The following RBFOX1 variants were observed in gnomAD, a reference collection of about 807,000 sequenced individuals.
RBFOX1 encodes RNA binding protein fox-1 homolog 1.
A neutral mutation model predicts 57.7 loss-of-function variants in RBFOX1; 8 were observed. That is an observed-to-expected ratio of 0.14 (90% CI 0.08 to 0.25). The LOEUF (loss-of-function observed/expected upper bound fraction) is 0.25. RBFOX1 is among the 10% of genes least tolerant of loss of function. The pLI, the probability that RBFOX1 is intolerant of heterozygous loss-of-function variation, is 1.00. For synonymous variants in RBFOX1, 326 were observed against 222.4 expected (o/e 1.47, Z -4.15); for missense variants, 611 against 548.5 (o/e 1.11, Z -1.14).
Position 5,241,158 on chromosome 16 carries a change from C to T in RBFOX1, c.219+1053C>T, listed in dbSNP as rs189422750. Among the ~76,000 whole-genome samples, 601 of 152,228 alleles carry T rather than the reference C, an allele frequency of 3.9e-3. 6 individuals carry two copies. The highest frequency in any genetic ancestry group is 0.014 in the African/African-American group (568 of 41,514). Reference sequence around the variant, plus strand: ...GTCCTCGCCGTGGGCTGCCTCAGAGCCCCCCCTGCCCAGTCTTGGGGTTGC... The same window carrying T: ...GTCCTCGCCGTGGGCTGCCTCAGAGTCCCCCCTGCCCAGTCTTGGGGTTGC... On this transcript the variant is annotated intron_variant, in intron 1 of 2. Coordinates refer to the RBFOX1 transcript ENST00000585867.
intron 4 of RBFOX1, among the ~76,000 whole-genome samples, chr16:7,387,433 C>T (rs2097903034): frequency 6.6e-6 from 1 of 152,124 alleles, no homozygotes; most frequent in Non-Finnish European, 1.5e-5. Flanking sequence ...ACATGATATT[C>T]ATTCATATAC....
intron 3 of RBFOX1, among the ~76,000 whole-genome samples, chr16:5,734,026 A>G (rs1338196228): frequency 6.6e-6 from 1 of 152,158 alleles, no homozygotes; most frequent in African/African-American, 2.4e-5. Context: ...TTCGTTGTCC[A>G]TGTAATAAGA....
chr16:7,021,464 A>G (rs1188218190), intron 3 of RBFOX1, among the ~76,000 whole-genome samples: 1 of 145,922 alleles, frequency 6.9e-6, no homozygotes, highest in African/African-American at 2.5e-5. Flanking sequence ...AATTTTTAAT[A>G]TAATTTATAT....
At chr16:6,133,665 A>G (rs1204582384) in intron 1 of RBFOX1, among the ~76,000 whole-genome samples, 1 of 152,174 alleles carries the variant, frequency 6.6e-6, no homozygotes, top group East Asian at 1.9e-4. Context: ...TAAAGGCCCA[A>G]GTCTTTAATG....
At chr16:5,775,383 G>A (rs2054113026) in intron 3 of RBFOX1, among the ~76,000 whole-genome samples, 1 of 152,330 alleles carries the variant, frequency 6.6e-6, no homozygotes, top group Non-Finnish European at 1.5e-5. Context: ...AAGGCAGGTG[G>A]AACAGAGGGG....
intron 2 of RBFOX1, among the ~76,000 whole-genome samples, chr16:6,539,067 T>C (rs1445324687): frequency 1.3e-5 from 2 of 152,044 alleles, no homozygotes; most frequent in African/African-American, 4.8e-5. Flanking sequence ...TCCATTGCTG[T>C]CTCTGCAAGG....
At chr16:7,288,293 A>T (rs2095690461) in intron 4 of RBFOX1, among the ~76,000 whole-genome samples, 1 of 152,196 alleles carries the variant, frequency 6.6e-6, no homozygotes, top group South Asian at 2.1e-4. Context: ...CTACTTGGAA[A>T]TCCATTTAAG....
chr16:5,240,821 C>T (rs1030946120), intron 1 of RBFOX1, among the ~76,000 whole-genome samples: 9 of 152,170 alleles, frequency 5.9e-5, no homozygotes, highest in African/African-American at 1.7e-4. Flanking sequence ...CCAGCCTGGC[C>T]TCCTGGGGTT....
intron 4 of RBFOX1, among the ~76,000 whole-genome samples, chr16:7,338,125 G>T (rs896380622): frequency 1.3e-5 from 2 of 152,200 alleles, no homozygotes; most frequent in African/African-American, 2.4e-5. Flanking sequence ...GAGTGCCATG[G>T]TTGTTTGCTG....
chr16:6,196,833 A>G (rs1598286455), intron 1 of RBFOX1, among the ~76,000 whole-genome samples: 1 of 151,412 alleles, frequency 6.6e-6, no homozygotes, highest in Non-Finnish European at 1.5e-5. Flanking sequence ...ATATGGAGAC[A>G]TTGATTTCCT....
intron 1 of RBFOX1, among the ~76,000 whole-genome samples, chr16:6,051,526 G>A (rs1333947489): frequency 3.3e-5 from 5 of 151,952 alleles, no homozygotes; most frequent in East Asian, 1.9e-4. Context: ...GCGGGGTTTC[G>A]CCATGTTGGC....
chr16:6,668,591 A>C (rs148748160), intron 3 of RBFOX1, among the ~76,000 whole-genome samples: 1 of 152,286 alleles, frequency 6.6e-6, no homozygotes, highest in African/African-American at 2.4e-5. Flanking sequence ...GGTGCTCGAG[A>C]AGCCTTCTCT....
intron 3 of RBFOX1, among the ~76,000 whole-genome samples, chr16:5,765,352 A>C (rs2053738632): frequency 6.6e-6 from 1 of 152,204 alleles, no homozygotes; most frequent in South Asian, 2.1e-4. Context: ...AAGGGAAAAA[A>C]GTCAAATTTC....
intron 3 of RBFOX1, among the ~76,000 whole-genome samples, chr16:5,796,072 G>T (rs1159396492): frequency 1.3e-5 from 2 of 152,158 alleles, no homozygotes; most frequent in Non-Finnish European, 2.9e-5. Flanking sequence ...TTGTAGATTG[G>T]GGGAAGGGAG....
chr16:5,560,286 C>A (rs1471005488), intron 2 of RBFOX1, among the ~76,000 whole-genome samples: 1 of 152,236 alleles, frequency 6.6e-6, no homozygotes, highest in East Asian at 1.9e-4. Context: ...CACTTAGTCA[C>A]CTCCTCCAGG....
intron 2 of RBFOX1, among the ~76,000 whole-genome samples, chr16:6,558,836 T>C (rs1008339622): frequency 1.3e-5 from 2 of 150,674 alleles, no homozygotes; most frequent in African/African-American, 2.4e-5. Context: ...ATGCTGACTT[T>C]TACTTCCCCA....
chr16:6,140,384 C>T (rs112445500), intron 1 of RBFOX1, among the ~76,000 whole-genome samples: 8 of 151,944 alleles, frequency 5.3e-5, no homozygotes, highest in Middle Eastern at 3.4e-3. Flanking sequence ...TTTGTAGACA[C>T]GAGGTCTTGC....
intron 2 of RBFOX1, among the ~76,000 whole-genome samples, chr16:6,491,222 CTATA>C (rs967579708): frequency 1.5e-4 from 22 of 151,364 alleles, no homozygotes; most frequent in African/African-American, 5.3e-4. Context: ...TATAGTTAAA[CTATA>C]TATATAGTTT....
At chr16:5,859,670 C>T (rs2057160872) in intron 3 of RBFOX1, among the ~76,000 whole-genome samples, 1 of 152,294 alleles carries the variant, frequency 6.6e-6, no homozygotes, top group East Asian at 1.9e-4. Context: ...TGGCCAGCAA[C>T]CATGCCAGGC....
Sources: gnomAD v4.1 joint callset for allele counts (sites outside exome capture counted in the v4.1 genomes callset) on GRCh38, gnomAD v4.1.1 for gene constraint, MANE v1.5 for transcripts, NCBI Gene and HGNC (gene_info 2026-07-23, HGNC 2026-07-21) for gene names.